ERC2: variants seen among roughly 807,000 people sequenced by gnomAD.
ERC2 encodes the protein ERC protein 2.
In ERC2, 42 loss-of-function variants were observed where a neutral mutation model predicts 114.8. The ratio of observed to expected loss-of-function variants is 0.37; its 90% CI spans 0.29 to 0.47. The LOEUF (loss-of-function observed/expected upper bound fraction) is 0.47. Ranked by LOEUF, ERC2 falls within the 20% of genes least tolerant of loss-of-function variation. ERC2 has a pLI of 0.99. For missense variants in ERC2, 939 were observed against 1,150.7 expected (o/e 0.82, Z 2.66); for synonymous variants, 454 against 425.5 (o/e 1.07, Z -0.82).
intron 14 of ERC2, among the ~76,000 whole-genome samples, chr3:55,799,400 TATATATATGCCTTATATATATGC>T (rs1450837164): frequency 3.2e-4 from 44 of 139,538 alleles, no homozygotes; most frequent in African/African-American, 1.3e-3. Context: ...TATATGCATA[TATATATATGCCTTATATATATGC>T]ATATATATAT....
intron 7 of ERC2, among the ~76,000 whole-genome samples, chr3:56,028,953 C>T (rs1190951898): frequency 1.3e-5 from 2 of 151,980 alleles, no homozygotes; most frequent in Non-Finnish European, 2.9e-5. Flanking sequence ...TGTAAATGTG[C>T]TTTATCAAGC....
intron 17 of ERC2, among the ~76,000 whole-genome samples, chr3:55,593,841 C>G (rs2058015763): frequency 6.6e-6 from 1 of 152,176 alleles, no homozygotes; most frequent in Non-Finnish European, 1.5e-5. Flanking sequence ...TCTTTCTACT[C>G]TGGAGCCACC....
At chr3:56,348,968 GAAGGAAAGAAAGAAGGAAAGAAAGA>G (rs2058443796) in intron 2 of ERC2, among the ~76,000 whole-genome samples, 1 of 96,992 alleles carries the variant, frequency 1.0e-5, no homozygotes, top group Non-Finnish European at 2.1e-5. Context: ...AAGAAAGAAA[GAAGGAAAGAAAGAAGGAAAGAAAGA>G]AAGAAAGAAT....
chr3:55,908,087 T>A (rs1426764086), intron 13 of ERC2, among the ~76,000 whole-genome samples: 5 of 152,268 alleles, frequency 3.3e-5, no homozygotes, highest in African/African-American at 1.2e-4. Context: ...GCAGTTATTG[T>A]CAAGGCCTGA....
chr3:56,279,896 G>T (rs1051544657), intron 3 of ERC2, among the ~76,000 whole-genome samples: 3 of 152,194 alleles, frequency 2.0e-5, no homozygotes, highest in Middle Eastern at 3.2e-3. Flanking sequence ...ATGGTAAGCT[G>T]AGTAACGGAC....
intron 7 of ERC2, among the ~76,000 whole-genome samples, chr3:56,066,281 A>G (rs913944219): frequency 1.3e-5 from 2 of 152,148 alleles, no homozygotes; most frequent in Admixed American, 6.6e-5. Context: ...TTTGATTTGC[A>G]TTTCTCTAAT....
At chr3:55,762,710 TA>T (rs1342766824) in intron 14 of ERC2, among the ~76,000 whole-genome samples, 1 of 152,054 alleles carries the variant, frequency 6.6e-6, no homozygotes, top group African/African-American at 2.4e-5. Context: ...CTCAGATGGG[TA>T]ACCTGTATCA....
intron 17 of ERC2, among the ~76,000 whole-genome samples, chr3:55,656,012 C>T (rs1240201169): frequency 6.6e-6 from 1 of 152,208 alleles, no homozygotes; most frequent in Admixed American, 6.5e-5. Context: ...GAAGCTGGGA[C>T]TCCAGTTTAA....
At chr3:55,702,489 T>C (rs969227139) in intron 15 of ERC2, among the ~76,000 whole-genome samples, 4 of 152,206 alleles carry the variant, frequency 2.6e-5, no homozygotes, top group Non-Finnish European at 5.9e-5. Context: ...TAAAAACAGT[T>C]TGACCAATCT....
chr3:55,808,742 T>TATATATATATAAAA (rs1455596885), intron 14 of ERC2, among the ~76,000 whole-genome samples: 37 of 100,372 alleles, frequency 3.7e-4, no homozygotes, highest in African/African-American at 1.6e-3. Flanking sequence ...TATATATATA[T>TATATATATATAAAA]AACGTATAAC....
chr3:56,298,960 G>T (rs1288955712), intron 2 of ERC2, among the ~76,000 whole-genome samples: 2 of 152,114 alleles, frequency 1.3e-5, no homozygotes, highest in East Asian at 3.9e-4. Flanking sequence ...TTAGAACAGA[G>T]TCCACAGGAG....
At chr3:55,662,813 G>A (rs984869056) in intron 17 of ERC2, among the ~76,000 whole-genome samples, 4 of 152,058 alleles carry the variant, frequency 2.6e-5, no homozygotes, top group Non-Finnish European at 4.4e-5. Context: ...AATTAAGGCC[G>A]GCCAAACAGC....
rs2061946481 is a variant in ERC2 at position 56,434,803 on chromosome 3, C to T, written c.205G>A (p.Gly69Arg). The T allele has an allele frequency of 6.2e-7, 1 of 1,613,844 alleles. No homozygotes were observed. The highest frequency in any genetic ancestry group is 1.3e-5 in the African/African-American group (1 of 74,894). ...TTTGGGTAGGTTGTTGAAGCCACCC[C>T]TTCATGATCACTCAGATACATGGGT... ...SGPMYLSDHE[G>R]VASTTYPKGT... Residue 69 changes from glycine to arginine, a missense_variant, in exon 2 of 18, where the codon GGG (glycine) becomes AGG (arginine). Physicochemically the swap from Gly to Arg is moderately radical, Grantham distance 125. Coordinates refer to ENST00000288221, the MANE Select transcript of ERC2 (RefSeq NM_015576.3).
chr3:55,685,707 C>T (rs1167200251), intron 16 of ERC2, among the ~76,000 whole-genome samples: 5 of 151,990 alleles, frequency 3.3e-5, no homozygotes, highest in Non-Finnish European at 7.4e-5. Context: ...GATTCTTGAC[C>T]CCCAGAATCG....
intron 6 of ERC2, among the ~76,000 whole-genome samples, chr3:56,134,902 ATC>A (rs201097847): frequency 1.4e-5 from 2 of 144,912 alleles, no homozygotes; most frequent in East Asian, 2.1e-4. Flanking sequence ...TCAGAAATAA[ATC>A]TCTCTCTTTT....
intron 1 of ERC2, among the ~76,000 whole-genome samples, chr3:56,456,070 C>G (rs1196830428): frequency 6.6e-6 from 1 of 152,178 alleles, no homozygotes; most frequent in Admixed American, 6.5e-5. Context: ...ATGCGTATCC[C>G]TTTCTCTCTT....
At chr3:56,105,024 A>G (rs1418523961) in intron 6 of ERC2, among the ~76,000 whole-genome samples, 8 of 152,088 alleles carry the variant, frequency 5.3e-5, no homozygotes, top group Non-Finnish European at 1.2e-4. Flanking sequence ...GAGGACTTGA[A>G]GGAGGCAAGA....
intron 17 of ERC2, among the ~76,000 whole-genome samples, chr3:55,656,806 A>C (rs539948141): frequency 1.8e-5 from 2 of 109,574 alleles, no homozygotes; most frequent in Non-Finnish European, 3.9e-5. Context: ...TGTGGCAAGC[A>C]CAGTCCCCTT....
chr3:55,615,117 T>G (rs1042164640), intron 17 of ERC2, among the ~76,000 whole-genome samples: 2 of 152,240 alleles, frequency 1.3e-5, no homozygotes, highest in African/African-American at 4.8e-5. Context: ...TTATCTGTCC[T>G]TGGTCCTTGA....
Sources: allele counts gnomAD v4.1 joint callset (sites outside exome capture counted in the v4.1 genomes callset), GRCh38; gene constraint gnomAD v4.1.1; transcripts MANE v1.5; gene names NCBI Gene and HGNC (gene_info 2026-07-23, HGNC 2026-07-21).